The following CYLC2 variants were observed in gnomAD, a reference collection of about 807,000 sequenced individuals.
CYLC2 encodes the protein cylicin-2.
Under a neutral mutation model 26.1 loss-of-function variants are expected in CYLC2, and 30 were observed. The ratio of observed to expected loss-of-function variants is 1.15; its 90% CI spans 0.86 to 1.56. The LOEUF (loss-of-function observed/expected upper bound fraction) is 1.56. CYLC2 is among the 40% of genes most tolerant of loss of function. The pLI is 0.00. For synonymous variants in CYLC2, 158 were observed against 132.8 expected (o/e 1.19, Z -1.31); for missense variants, 498 against 394.4 (o/e 1.26, Z -2.23).
chr9:102,997,161 C>T (rs1201414879), intron 1 of CYLC2, among the ~76,000 whole-genome samples: 1 of 151,792 alleles, frequency 6.6e-6, no homozygotes, highest in Non-Finnish European at 1.5e-5. Context: ...CCACTCACAT[C>T]GTAGTCTAGA....
At chr9:103,014,897 CATAATA>C (rs1829478758) in intron 6 of CYLC2, among the ~76,000 whole-genome samples, 1 of 133,770 alleles carries the variant, frequency 7.5e-6, no homozygotes, top group South Asian at 2.4e-4. Context: ...ATGTAATATA[CATAATA>C]TATGTAATAT....
chr9:103,017,542 TTC>T lies in CYLC2; in HGVS notation c.*890+583_*890+584del, dbSNP rs745652112. The stretch of plus-strand genomic sequence containing the variant: ...AAGTTTCATTCATCTCTTCAGAAAC[TTC>T]TGTTTCATTTCCTCCATTTATACAA... On this transcript the variant is annotated intron_variant, in intron 7 of 7. Transcript: ENST00000374798. 7.9e-5 allele frequency among the ~76,000 whole-genome samples: 12 copies of T among 152,212 alleles called. No homozygotes were observed. In the East Asian group the frequency reaches 1.9e-3, roughly 24 times the overall value.
intron 5 of CYLC2, among the ~76,000 whole-genome samples, chr9:103,011,740 A>G (rs1377189019): frequency 6.6e-6 from 1 of 152,062 alleles, no homozygotes; most frequent in Non-Finnish European, 1.5e-5. Flanking sequence ...AGAAAAAGGT[A>G]TGTCTAAGGG....
intron 5 of CYLC2, among the ~76,000 whole-genome samples, chr9:103,011,103 G>T (rs1587854251): frequency 6.6e-6 from 1 of 151,992 alleles, no homozygotes; most frequent in South Asian, 2.1e-4. Context: ...GGACTTCCTT[G>T]GTATATATGC....
chr9:103,015,613 A>C (rs1829496339), intron 6 of CYLC2, among the ~76,000 whole-genome samples: 2 of 146,902 alleles, frequency 1.4e-5, no homozygotes, highest in South Asian at 4.2e-4. Flanking sequence ...AATCACCTTT[A>C]AAGTATGTCT....
intron 6 of CYLC2, among the ~76,000 whole-genome samples, chr9:103,015,969 T>C (rs1829500701): frequency 6.7e-6 from 1 of 150,138 alleles, no homozygotes; most frequent in Non-Finnish European, 1.5e-5. Context: ...ATATAATATG[T>C]AAGTATATAT....
chr9:103,003,868 AGT>A (rs1829313390), intron 3 of CYLC2, among the ~76,000 whole-genome samples: 1 of 152,236 alleles, frequency 6.6e-6, no homozygotes, highest in South Asian at 2.1e-4. Flanking sequence ...CAGGACTCAG[AGT>A]ATTGGAAAAT....
At chr9:103,015,985 C>T (rs1253387102) in intron 6 of CYLC2, among the ~76,000 whole-genome samples, 1 of 149,802 alleles carries the variant, frequency 6.7e-6, no homozygotes, top group African/African-American at 2.4e-5. Context: ...TATATACATA[C>T]ATATGTATGT....
intron 6 of CYLC2, among the ~76,000 whole-genome samples, chr9:103,012,969 T>A (rs1051649960): frequency 6.7e-5 from 10 of 150,062 alleles, no homozygotes; most frequent in African/African-American, 2.4e-4. Context: ...ATCCATAAAC[T>A]TTGAAAGTGC....
rs191729209 is a variant in CYLC2 at position 102,997,818 on chromosome 9, T to A, written c.17+2421T>A. 5.9e-5 allele frequency among the ~76,000 whole-genome samples: 9 copies of A among 152,014 alleles called. No individual in the cohort carries two copies. In the East Asian group the frequency reaches 1.7e-3, roughly 29 times the overall value. On this transcript the variant is annotated intron_variant, in intron 1 of 7. Transcript: ENST00000374798. ...GGTGGATTTTGTATTTAGATTAAAA[T>A]ATAACCCAGACTAAAAGGAAAAATA... is the stretch of plus-strand genomic sequence containing the variant.
intron 2 of CYLC2, among the ~76,000 whole-genome samples, chr9:103,002,919 T>C (rs190490828): frequency 6.6e-6 from 1 of 152,282 alleles, no homozygotes; most frequent in East Asian, 1.9e-4. Context: ...AGTTTTGCAA[T>C]GACTACTTTA....
rs768616436 is a variant in CYLC2 at position 103,005,419 on chromosome 9, A to G, written c.788A>G (p.Asp263Gly). ...KGDESKDAKK[D>G]AKEIKKGKKD... Reference sequence around the variant, plus strand: ...GATGAATCGAAGGATGCCAAGAAAGATGCAAAGGAGATTAAAAAAGGTAAG... The same window carrying G: ...GATGAATCGAAGGATGCCAAGAAAGGTGCAAAGGAGATTAAAAAAGGTAAG... Residue 263 changes from aspartate (D) to glycine (G), a missense_variant, in exon 5 of 8, where the codon GAT becomes GGT. By Grantham distance (94) the Asp-to-Gly change is moderately conservative. Coordinates refer to ENST00000374798, the MANE Select transcript of CYLC2 (RefSeq NM_001340.5). 1 of 1,613,860 alleles carries G rather than the reference A, an allele frequency of 6.2e-7. No individual in the cohort carries two copies. The highest frequency in any genetic ancestry group is 1.7e-5 in the Admixed American group (1 of 59,970).
In CYLC2 at chr9:103,005,068, A is replaced by G. The variant is rs373109203; in HGVS notation, c.437A>G (p.Asp146Gly). The change falls in exon 5 of 8, where the codon GAT becomes GGT. Residue 146 changes from aspartate (D) to glycine (G), a missense_variant. Transcript: ENST00000374798. ...AAAAAAGATTCAAAGAAAGGCAAGG[A>G]TATAGAGAAAGGAAAAGAAGAAAAG... is the stretch of plus-strand genomic sequence containing the variant. ...QGKKDSKKGK[D>G]IEKGKEEKLD... is the part of the protein sequence containing the mutation. The G allele has an allele frequency of 3.7e-6, 6 of 1,606,212 alleles. No individual in the cohort carries two copies. Among genetic ancestry groups the G allele is most frequent in the Middle Eastern group, 1.7e-4 (1 of 6,030 alleles).
intron 1 of CYLC2, among the ~76,000 whole-genome samples, chr9:103,001,241 AT>A (rs1468990417): frequency 2.0e-5 from 3 of 150,142 alleles, no homozygotes; most frequent in Admixed American, 1.3e-4. Flanking sequence ...TGTTTTTGTA[AT>A]TTTTTTAAAT....
In CYLC2 at chr9:103,016,509, G is replaced by C. The variant is rs1829508191; in HGVS notation, c.*817-379G>C. Among the ~76,000 whole-genome samples the C allele has an allele frequency of 3.3e-5, 5 of 151,944 alleles. No homozygotes were observed. The South Asian group carries it at 1.0e-3, about 31-fold the overall frequency. On this transcript the variant is annotated intron_variant, in intron 6 of 7. Transcript: ENST00000374798. ...TGTCCACAAGCCATTTATCCCATCG[G>C]TGTTCTATTTTCTGCTATTTACTAC...
At chr9:103,003,109 T>C (rs370272666) in intron 2 of CYLC2, 33 bp from the exon 3 acceptor site, 1 of 1,611,630 alleles carries the variant, frequency 6.2e-7, no homozygotes, top group East Asian at 2.2e-5. Context: ...TTCTATTCAC[T>C]CCAAAATGTG....
chr9:103,016,497 T>C (rs955241143), intron 6 of CYLC2, among the ~76,000 whole-genome samples: 6 of 152,044 alleles, frequency 3.9e-5, no homozygotes, highest in African/African-American at 1.4e-4. Context: ...CCACAAGCCA[T>C]TTATCCCATC....
At chr9:103,003,001 G>A (rs1324149159) in intron 2 of CYLC2, 141 bp from the exon 3 acceptor site, 19 of 988,292 alleles carry the variant, frequency 1.9e-5, no homozygotes, top group Admixed American at 2.9e-5. Flanking sequence ...ACAGAAAATT[G>A]CAAACATTAC....
At chr9:103,013,472 T>A (rs1209892170) in intron 6 of CYLC2, among the ~76,000 whole-genome samples, 2 of 106,092 alleles carry the variant, frequency 1.9e-5, no homozygotes, top group Non-Finnish European at 3.4e-5. Context: ...ATATATTATA[T>A]AAATATATAT....
Sources: allele counts gnomAD v4.1 joint callset (sites outside exome capture counted in the v4.1 genomes callset), GRCh38; gene constraint gnomAD v4.1.1; transcripts MANE v1.5; gene names NCBI Gene and HGNC (gene_info 2026-07-23, HGNC 2026-07-21).